Variants in CTNNA3 observed in about 807,000 individuals in gnomAD.
The protein encoded by CTNNA3 is catenin alpha-3.
In CTNNA3, 76 loss-of-function variants were observed where a neutral mutation model predicts 95.7. The ratio of observed to expected loss-of-function variants is 0.79; its 90% CI spans 0.66 to 0.96. The LOEUF (loss-of-function observed/expected upper bound fraction) is 0.96, where lower values mean the gene tolerates loss of function less well. Ranked by LOEUF, CTNNA3 falls within the 40% of genes least tolerant of loss-of-function variation. CTNNA3 has a pLI of 0.00. For synonymous variants in CTNNA3, 431 were observed against 374.4 expected, an observed-to-expected ratio of 1.15 and a Z score of -1.74; for missense variants, 1,191 against 1,089.8, an observed-to-expected ratio of 1.09 and a Z score of -1.31.
chr10:67,233,293 G>T (rs1374728693), intron 5 of CTNNA3, among the ~76,000 whole-genome samples: 4 of 151,700 alleles, frequency 2.6e-5, no homozygotes, highest in Admixed American at 6.6e-5. Context: ...TAAAAGAACA[G>T]AAATTATAAC....
At chr10:67,560,030 T>C (rs906593874) in intron 3 of CTNNA3, among the ~76,000 whole-genome samples, 3 of 152,052 alleles carry the variant, frequency 2.0e-5, no homozygotes, top group Non-Finnish European at 4.4e-5. Context: ...CTGAAAGTGA[T>C]GGGGAGAATG....
intron 3 of CTNNA3, among the ~76,000 whole-genome samples, chr10:67,577,777 T>C (rs539453641): frequency 6.4e-4 from 98 of 152,116 alleles, no homozygotes; most frequent in African/African-American, 2.3e-3. Context: ...CTGAGGTTGA[T>C]TGCATATCTT....
intron 5 of CTNNA3, among the ~76,000 whole-genome samples, chr10:67,344,696 C>G (rs1390036581): frequency 6.6e-6 from 1 of 151,880 alleles, no homozygotes; most frequent in African/African-American, 2.4e-5. Context: ...TTGTATGTCC[C>G]CCTTTTTCAT....
At chr10:66,288,420 A>T (rs1359070670) in intron 12 of CTNNA3, among the ~76,000 whole-genome samples, 1 of 152,078 alleles carries the variant, frequency 6.6e-6, no homozygotes, top group Admixed American at 6.6e-5. Context: ...CTAACACCAA[A>T]TGCAAATAGC....
At chr10:66,477,001 A>G (rs1238398007) in intron 11 of CTNNA3, among the ~76,000 whole-genome samples, 1 of 152,096 alleles carries the variant, frequency 6.6e-6, no homozygotes, top group East Asian at 1.9e-4. Flanking sequence ...TCTTTCTCCA[A>G]ATAAATTCCT....
chr10:66,622,835 C>T (rs528286732), intron 9 of CTNNA3, among the ~76,000 whole-genome samples: 101 of 152,188 alleles, frequency 6.6e-4, no homozygotes, highest in African/African-American at 2.4e-3. Context: ...TTTAAAAGTA[C>T]CACAAAATGT....
chr10:67,065,166 T>C (rs1228842528), intron 7 of CTNNA3, among the ~76,000 whole-genome samples: 1 of 152,140 alleles, frequency 6.6e-6, no homozygotes, highest in Non-Finnish European at 1.5e-5. Context: ...ACTGTATGTA[T>C]TTATTTTTTC....
chr10:65,963,375 G>A (rs1231383525), intron 17 of CTNNA3, among the ~76,000 whole-genome samples: 6 of 152,012 alleles, frequency 3.9e-5, no homozygotes, highest in Non-Finnish European at 5.9e-5. Context: ...TTTTATTTCA[G>A]TTGTCCCCTC....
At chr10:67,648,938 A>G (rs531977943) in intron 1 of CTNNA3, among the ~76,000 whole-genome samples, 2 of 152,308 alleles carry the variant, frequency 1.3e-5, no homozygotes, top group South Asian at 4.1e-4. Flanking sequence ...TGCTTTTTCA[A>G]TCATTTCACC....
chr10:66,315,755 CA>C (rs1471606298), intron 12 of CTNNA3, among the ~76,000 whole-genome samples: 1 of 152,024 alleles, frequency 6.6e-6, no homozygotes, highest in Admixed American at 6.6e-5. Context: ...TGTAATATTT[CA>C]TCCTCAAAAC....
intron 12 of CTNNA3, among the ~76,000 whole-genome samples, chr10:66,367,876 TAA>T (rs2092723495): frequency 8.4e-3 from 113 of 13,480 alleles, no homozygotes; most frequent in African/African-American, 0.027. Flanking sequence ...ATAATAATAA[TAA>T]TAATTATTAT....
chr10:66,717,051 CAG>C (rs1848474473), intron 9 of CTNNA3, among the ~76,000 whole-genome samples: 1 of 146,694 alleles, frequency 6.8e-6, no homozygotes, highest in South Asian at 2.1e-4. Context: ...AAAAAAAAAA[CAG>C]AAAACTGAGG....
At chr10:66,570,024 A>G (rs920291714) in intron 10 of CTNNA3, among the ~76,000 whole-genome samples, 3 of 152,154 alleles carry the variant, frequency 2.0e-5, no homozygotes, top group Admixed American at 2.0e-4. Context: ...GGTCTACCAC[A>G]TATCTGTGCA....
At chr10:67,082,766 T>C (rs1156732215) in intron 7 of CTNNA3, among the ~76,000 whole-genome samples, 1 of 152,164 alleles carries the variant, frequency 6.6e-6, no homozygotes, top group Non-Finnish European at 1.5e-5. Flanking sequence ...TTTCTGAATA[T>C]GAGTGTTAAA....
intron 11 of CTNNA3, among the ~76,000 whole-genome samples, chr10:66,491,882 C>T (rs1839935577): frequency 1.3e-5 from 2 of 152,140 alleles, no homozygotes; most frequent in African/African-American, 4.8e-5. Context: ...TGATATCAGT[C>T]TCTTTGTTTT....
At chr10:67,253,014 T>A (rs1041821902) in intron 5 of CTNNA3, among the ~76,000 whole-genome samples, 1 of 152,184 alleles carries the variant, frequency 6.6e-6, no homozygotes, top group Non-Finnish European at 1.5e-5. Context: ...ATACAATTAT[T>A]TTTTTCCTTA....
Position 65,966,333 on chromosome 10 carries a change from C to T in CTNNA3, c.2400+279G>A, listed in dbSNP as rs2077964933. ...CATCTGTACACATTCTGAAGTCATG[C>T]TCTAAATTAACATGCATTTCTTATC... is the stretch of plus-strand genomic sequence containing the variant. On this transcript the variant is annotated intron_variant, in intron 17 of 17. Transcript: ENST00000433211. Among the ~76,000 whole-genome samples, 3 of 152,152 alleles carry T rather than the reference C, an allele frequency of 2.0e-5. No individual in the cohort carries two copies. The South Asian group carries it at 6.2e-4, about 31-fold the overall frequency.
At chr10:66,529,191 C>T (rs761937865) in intron 10 of CTNNA3, among the ~76,000 whole-genome samples, 39 of 151,912 alleles carry the variant, frequency 2.6e-4, no homozygotes, top group Non-Finnish European at 5.0e-4. Context: ...TGCAATGGTG[C>T]GATCTTGGCT....
intron 5 of CTNNA3, among the ~76,000 whole-genome samples, chr10:67,310,207 T>C (rs1840730915): frequency 6.6e-6 from 1 of 152,198 alleles, no homozygotes; most frequent in African/African-American, 2.4e-5. Flanking sequence ...GTTCTCCTAG[T>C]CTATTTTACC....
Sources: gnomAD v4.1 joint callset for allele counts (sites outside exome capture counted in the v4.1 genomes callset) on GRCh38, gnomAD v4.1.1 for gene constraint, MANE v1.5 for transcripts, NCBI Gene and HGNC (gene_info 2026-07-23, HGNC 2026-07-21) for gene names.